NEK7: variants seen among roughly 807,000 people sequenced by gnomAD.
The protein encoded by NEK7 is serine/threonine-protein kinase Nek7.
A neutral mutation model predicts 44.6 loss-of-function variants in NEK7; 18 were observed. That is an observed-to-expected ratio of 0.40 (90% confidence interval 0.28 to 0.60). The LOEUF (loss-of-function observed/expected upper bound fraction) is 0.60, where lower values mean the gene tolerates loss of function less well. NEK7 is among the 20% of genes least tolerant of loss of function. NEK7 has a pLI of 0.38. For synonymous variants in NEK7, 130 were observed against 121.1 expected (o/e 1.07, Z -0.48); for missense variants, 256 against 366.5 (o/e 0.70, Z 2.46).
At chr1:198,199,082 G>T (rs1004970445) in intron 1 of NEK7, among the ~76,000 whole-genome samples, 2 of 152,200 alleles carry the variant, frequency 1.3e-5, no homozygotes, top group Non-Finnish European at 2.9e-5. Flanking sequence ...TTTAGTAGCA[G>T]CTGTCATTTA....
At chr1:198,233,053 A>G (rs1306656383) in intron 2 of NEK7, among the ~76,000 whole-genome samples, 1 of 151,804 alleles carries the variant, frequency 6.6e-6, no homozygotes, top group Non-Finnish European at 1.5e-5. Context: ...AATGACCTGT[A>G]AGCTCTGAGC....
At chr1:198,167,892 G>A (rs1359891851) in intron 1 of NEK7, among the ~76,000 whole-genome samples, 2 of 152,182 alleles carry the variant, frequency 1.3e-5, no homozygotes, top group African/African-American at 4.8e-5. Flanking sequence ...ACAAGTGACA[G>A]GCACTTGAGT....
intron 7 of NEK7, among the ~76,000 whole-genome samples, chr1:198,286,030 G>T (rs1424886782): frequency 6.6e-6 from 1 of 152,062 alleles, no homozygotes; most frequent in Middle Eastern, 3.2e-3. Flanking sequence ...ATTGATCCCT[G>T]GTGACTTTTC....
chr1:198,226,680 A>G (rs528051377), intron 1 of NEK7, among the ~76,000 whole-genome samples: 2 of 152,164 alleles, frequency 1.3e-5, no homozygotes, highest in East Asian at 1.9e-4. Context: ...AATGCTTGTT[A>G]TAGCCTTTTG....
At chr1:198,170,545 C>T (rs1369017863) in intron 1 of NEK7, among the ~76,000 whole-genome samples, 1 of 152,116 alleles carries the variant, frequency 6.6e-6, no homozygotes, top group Non-Finnish European at 1.5e-5. Flanking sequence ...GGGGTAGGAA[C>T]CTTTTTATTC....
intron 9 of NEK7, among the ~76,000 whole-genome samples, chr1:198,302,708 A>G (rs908714044): frequency 2.0e-5 from 3 of 152,072 alleles, no homozygotes; most frequent in South Asian, 4.1e-4. Context: ...ACAATACTGA[A>G]TTTTTTTCAA....
At chr1:198,202,816 C>T (rs942965666) in intron 1 of NEK7, among the ~76,000 whole-genome samples, 15 of 152,152 alleles carry the variant, frequency 9.9e-5, no homozygotes, top group Non-Finnish European at 1.5e-5. Flanking sequence ...CCCTCGCACA[C>T]CACATGGGAA....
intron 1 of NEK7, among the ~76,000 whole-genome samples, chr1:198,180,402 T>C (rs991388676): frequency 5.3e-5 from 8 of 152,056 alleles, no homozygotes; most frequent in Non-Finnish European, 8.8e-5. Flanking sequence ...GATGAAAATA[T>C]GAGAGAAGAG....
chr1:198,182,610 T>G (rs1217343537), intron 1 of NEK7, among the ~76,000 whole-genome samples: 2 of 152,230 alleles, frequency 1.3e-5, no homozygotes, highest in Non-Finnish European at 2.9e-5. Flanking sequence ...TGGAATTATT[T>G]TTTGGAAACA....
chr1:198,168,379 G>A (rs977320536), intron 1 of NEK7, among the ~76,000 whole-genome samples: 3 of 152,184 alleles, frequency 2.0e-5, no homozygotes, highest in Admixed American at 6.5e-5. Flanking sequence ...CCCTGGCAGG[G>A]CAGTACTACC....
At chr1:198,207,544 G>C (rs1018341513) in intron 1 of NEK7, among the ~76,000 whole-genome samples, 1 of 152,156 alleles carries the variant, frequency 6.6e-6, no homozygotes, top group African/African-American at 2.4e-5. Context: ...TGAACAAACT[G>C]TGTAACCTTG....
chr1:198,273,057 A>C (rs1468661439), intron 5 of NEK7, among the ~76,000 whole-genome samples: 1 of 151,796 alleles, frequency 6.6e-6, no homozygotes, highest in Non-Finnish European at 1.5e-5. Context: ...ACTTTTGGGA[A>C]TGAATTGATT....
chr1:198,264,281 T>C (rs747840642), intron 5 of NEK7, 46 bp downstream of exon 5: 53 of 1,375,608 alleles, frequency 3.9e-5, no homozygotes, highest in Non-Finnish European at 4.6e-5. Flanking sequence ...TGTTTTTTTT[T>C]CTAATAGAAT....
chr1:198,169,302 C>G (rs1433792059), intron 1 of NEK7, among the ~76,000 whole-genome samples: 2 of 152,150 alleles, frequency 1.3e-5, no homozygotes, highest in Non-Finnish European at 2.9e-5. Context: ...TGCCAACTTT[C>G]CACAGTTAGA....
chr1:198,292,122 G>A (rs1340832181), intron 7 of NEK7, among the ~76,000 whole-genome samples: 1 of 151,942 alleles, frequency 6.6e-6, no homozygotes, highest in Non-Finnish European at 1.5e-5. Flanking sequence ...ATAGCCATCT[G>A]AGTTTGAAAT....
chr1:198,288,506 T>C (rs1033875171), intron 7 of NEK7, among the ~76,000 whole-genome samples: 4 of 152,200 alleles, frequency 2.6e-5, no homozygotes, highest in Admixed American at 1.3e-4. Context: ...CAGTGGTCAG[T>C]TATAATGAAA....
chr1:198,290,928 A>C lies in NEK7; in HGVS notation c.590-2017A>C, dbSNP rs539880485. Among the ~76,000 whole-genome samples, 3 of 152,184 alleles carry C rather than the reference A, an allele frequency of 2.0e-5. No individual in the cohort carries two copies. In the South Asian group the frequency reaches 6.2e-4, roughly 32 times the overall value. ...TGAAAAAGGATTTTTGTACATTAAC[A>C]TTTTTTACATTTTAAGTTTAGCTTA... On this transcript the variant is annotated intron_variant, in intron 7 of 9. Coordinates refer to ENST00000367385, the MANE Select transcript of NEK7 (RefSeq NM_133494.3).
At chr1:198,251,618 C>G (rs1231420070) in intron 2 of NEK7, among the ~76,000 whole-genome samples, 1 of 152,028 alleles carries the variant, frequency 6.6e-6, no homozygotes, top group African/African-American at 2.4e-5. Context: ...GTGTATGTGT[C>G]AAGGAATTTA....
In NEK7 at chr1:198,262,603, G is replaced by T. The variant is rs760781979; in HGVS notation, c.227G>T (p.Arg76Leu). ...TTTGATTTAATGGATGCCAAAGCAC[G>T]TGCTGATTGCATCAAAGAAATAGAT... is the stretch of plus-strand genomic sequence containing the variant. The part of the protein sequence containing the change: ...QIFDLMDAKA[R>L]ADCIKEIDLL... Residue 76 changes from arginine to leucine, a missense_variant, in exon 4 of 10, where the codon CGT becomes CTT. This residue lies in a region of NEK7 where 96 missense variants were observed against 94.9 expected (regional missense o/e 1.01). Transcript: ENST00000367385. 1 of 1,597,566 alleles carries T rather than the reference G, an allele frequency of 6.3e-7. No individual in the cohort carries two copies. The highest frequency in any genetic ancestry group is 8.6e-7 in the Non-Finnish European group (1 of 1,169,402).
Sources: gnomAD v4.1 joint callset for allele counts (sites outside exome capture counted in the v4.1 genomes callset) on GRCh38, gnomAD v4.1.1 for gene constraint, gnomAD v4.1.1 regional missense constraint, MANE v1.5 for transcripts, NCBI Gene and HGNC (gene_info 2026-07-23, HGNC 2026-07-21) for gene names.